The following SIPA1L3 variants were observed in gnomAD, a reference collection of about 807,000 sequenced individuals.
The protein encoded by SIPA1L3 is signal induced proliferation associated 1 like 3.
A neutral mutation model predicts 150.1 loss-of-function variants in SIPA1L3; 59 were observed. That is an observed-to-expected ratio of 0.39 (90% CI 0.32 to 0.49). The LOEUF (loss-of-function observed/expected upper bound fraction) is 0.49. Among genes scored for constraint, SIPA1L3 ranks in the 20% least tolerant of loss-of-function variants. The pLI is 0.86. For synonymous variants in SIPA1L3, 1,070 were observed against 1,077.6 expected (o/e 0.99, Z 0.14); for missense variants, 2,211 against 2,489.5 (o/e 0.89, Z 2.38).
intron 1 of SIPA1L3, among the ~76,000 whole-genome samples, chr19:38,027,137 C>CA (rs1173893874): frequency 6.6e-6 from 1 of 152,100 alleles, no homozygotes; most frequent in African/African-American, 2.4e-5. Context: ...ACTAAAAATA[C>CA]AAAAATTACC....
intron 12 of SIPA1L3, among the ~76,000 whole-genome samples, chr19:38,145,314 C>T (rs889467209): frequency 1.3e-5 from 2 of 152,012 alleles, no homozygotes; most frequent in Non-Finnish European, 1.5e-5. Flanking sequence ...GGTGGATCAT[C>T]TGAGGTCAGG....
intron 10 of SIPA1L3, among the ~76,000 whole-genome samples, chr19:38,133,941 C>T (rs1315372017): frequency 1.3e-5 from 2 of 151,766 alleles, no homozygotes; most frequent in African/African-American, 2.4e-5. Context: ...CCCAGCAGTT[C>T]GAGACCAGCC....
At position 37,907,326 on chromosome 19, in the gene SIPA1L3, G is replaced by T. The variant is rs1402421820; in HGVS notation, c.-411G>T. 4 of 152,342 alleles carry T rather than the reference G, an allele frequency of 2.6e-5. No homozygotes were observed. The highest frequency in any genetic ancestry group is 5.9e-5 in the Non-Finnish European group (4 of 68,084). 9.4% of individuals were successfully genotyped at this position (152,342 alleles called of 1,614,324 possible). ...GCGCGGAGCTGGACGCCGCGATCGT[G>T]GGGCCCGCGAGGCGGGCAGCCGGGG... On this transcript the variant is annotated 5_prime_UTR_variant, in exon 1 of 22. Transcript: ENST00000222345.
At chr19:38,009,265 G>A (rs976509745) in intron 1 of SIPA1L3, among the ~76,000 whole-genome samples, 1 of 152,052 alleles carries the variant, frequency 6.6e-6, no homozygotes, top group Non-Finnish European at 1.5e-5. Context: ...TGATCTACCC[G>A]CCTTGGCCTC....
chr19:38,069,336 G>A (rs1336068075), intron 2 of SIPA1L3, among the ~76,000 whole-genome samples: 6 of 152,078 alleles, frequency 3.9e-5, no homozygotes, highest in Admixed American at 2.0e-4. Flanking sequence ...ACCTATAACT[G>A]CCACCATACG....
intron 14 of SIPA1L3, among the ~76,000 whole-genome samples, chr19:38,162,983 T>C (rs1972127193): frequency 6.6e-6 from 1 of 152,120 alleles, no homozygotes; most frequent in Admixed American, 6.5e-5. Flanking sequence ...AGGCTGGGGA[T>C]GTAGTCCTGT....
intron 1 of SIPA1L3, among the ~76,000 whole-genome samples, chr19:37,997,852 G>A (rs1318703663): frequency 3.4e-5 from 5 of 146,488 alleles, no homozygotes; most frequent in African/African-American, 1.3e-4. Context: ...ACGACAGAGC[G>A]AGACTCCATC....
intron 16 of SIPA1L3, among the ~76,000 whole-genome samples, chr19:38,183,799 G>A (rs1972615762): frequency 6.6e-6 from 1 of 152,142 alleles, no homozygotes; most frequent in South Asian, 2.1e-4. Context: ...GGGAGGTGCG[G>A]AGGCGGAGAG....
rs555956720 is a variant in SIPA1L3 at position 38,110,481 on chromosome 19, T to C, written c.2291+97T>C. On this transcript the variant is annotated intron_variant, in intron 8 of 21. Transcript: ENST00000222345. ...GTACAGGGCCCCCCCACACCTCACGTTGTGCTTCAGGAGAAGAGCTCGGCG... is the reference window on the plus strand; with the variant it reads ...GTACAGGGCCCCCCCACACCTCACGCTGTGCTTCAGGAGAAGAGCTCGGCG... 267 of 1,009,956 alleles carry C rather than the reference T, an allele frequency of 2.6e-4. 2 individuals are homozygous for C. The African/African-American group carries it at 3.3e-3, about 13-fold the overall frequency. The allele number at this position is 1,009,956 out of a possible 1,614,324, so 62.6% of individuals were successfully genotyped here.
intron 10 of SIPA1L3, among the ~76,000 whole-genome samples, chr19:38,139,630 C>A (rs577886708): frequency 1.4e-4 from 21 of 152,186 alleles, no homozygotes; most frequent in Non-Finnish European, 2.8e-4. Flanking sequence ...CATGGCGCTA[C>A]CGAGGGGTGC....
intron 1 of SIPA1L3, among the ~76,000 whole-genome samples, chr19:37,987,852 A>G (rs1467491135): frequency 6.6e-6 from 1 of 152,246 alleles, no homozygotes; most frequent in African/African-American, 2.4e-5. Flanking sequence ...TGGCTGGACT[A>G]GCAAGTGGGG....
Position 38,010,282 on chromosome 19 carries a change from C to CATA in SIPA1L3, c.-378-18807_-378-18806insATA, listed in dbSNP as rs1197064943. ...AATGAGCTGGGCATGTTGGCTCACG[C>CATA]TTATAACCCCAGCCCTTTAGGAGGC... On this transcript the variant is annotated intron_variant, in intron 1 of 21. Transcript: ENST00000222345. 2.0e-5 allele frequency among the ~76,000 whole-genome samples: 3 copies of CATA among 152,058 alleles called. No individual in the cohort carries two copies. In the South Asian group the frequency reaches 6.2e-4, roughly 32 times the overall value.
rs148203651 is a variant in SIPA1L3, at chr19:38,017,442, A to G, written c.-378-11647A>G. On this transcript the variant is annotated intron_variant, in intron 1 of 21. Transcript: ENST00000222345. Reference sequence around the variant, plus strand: ...GCAAGGCCTGTTTGTTCCTGAGCCTAAACAAATCTTCACCAGAGTTCTCCT... The same window carrying G: ...GCAAGGCCTGTTTGTTCCTGAGCCTGAACAAATCTTCACCAGAGTTCTCCT... Among the ~76,000 whole-genome samples the G allele has an allele frequency of 3.3e-5, 5 of 152,216 alleles. No homozygotes were observed. In the East Asian group the frequency reaches 9.6e-4, roughly 29 times the overall value.
At chr19:37,953,479 A>C (rs189695998) in intron 1 of SIPA1L3, among the ~76,000 whole-genome samples, 7 of 152,342 alleles carry the variant, frequency 4.6e-5, no homozygotes, top group African/African-American at 1.7e-4. Context: ...GGAAATATTC[A>C]AGAGGGTAAT....
intron 1 of SIPA1L3, among the ~76,000 whole-genome samples, chr19:37,908,148 C>G (rs1286659186): frequency 3.3e-5 from 5 of 152,274 alleles, no homozygotes; most frequent in Admixed American, 2.6e-4. Flanking sequence ...CAGCGTTTTC[C>G]TAGTGGCCCA....
At chr19:37,969,949 G>A (rs1966893181) in intron 1 of SIPA1L3, among the ~76,000 whole-genome samples, 1 of 152,150 alleles carries the variant, frequency 6.6e-6, no homozygotes, top group Non-Finnish European at 1.5e-5. Context: ...CTTCCTCACT[G>A]GGCTGGCTGT....
rs1022536772 is a variant in SIPA1L3 at position 38,047,678 on chromosome 19, C to T, written c.-311+18522C>T. On this transcript the variant is annotated intron_variant, in intron 2 of 21. Coordinates refer to ENST00000222345, the MANE Select transcript of SIPA1L3 (RefSeq NM_015073.3). This position sits in a 1 kb window ranked among gnomAD's most constrained non-coding sequence, Gnocchi z 4.7. Reference sequence around the variant, plus strand: ...CGCTCCTTTGCCCGCCCCTGCCACACTGGTATCTTTCCCTTGATGCTGACG... The same window carrying T: ...CGCTCCTTTGCCCGCCCCTGCCACATTGGTATCTTTCCCTTGATGCTGACG... 6.6e-6 allele frequency among the ~76,000 whole-genome samples: 1 copy of T among 152,234 alleles called. No individual in the cohort carries two copies. Among genetic ancestry groups the T allele is most frequent in the East Asian group, 1.9e-4 (1 of 5,192 alleles).
intron 1 of SIPA1L3, among the ~76,000 whole-genome samples, chr19:37,928,815 A>G (rs996919316): frequency 2.0e-5 from 3 of 152,216 alleles, no homozygotes; most frequent in African/African-American, 4.8e-5. Flanking sequence ...ATGATCTCAT[A>G]TAACAAAGAA....
At chr19:38,100,827 G>A (rs145836148) in intron 5 of SIPA1L3, among the ~76,000 whole-genome samples, 21 of 152,344 alleles carry the variant, frequency 1.4e-4, no homozygotes, top group African/African-American at 4.6e-4. Context: ...GAGAAGAGGC[G>A]GCCTGGATAC....
Sources: allele counts gnomAD v4.1 joint callset (sites outside exome capture counted in the v4.1 genomes callset), GRCh38; gene constraint gnomAD v4.1.1; non-coding constraint Gnocchi (gnomAD v3.1); transcripts MANE v1.5; gene names NCBI Gene and HGNC (gene_info 2026-07-23, HGNC 2026-07-21).